The following TARP variants were observed in gnomAD, a reference collection of about 807,000 sequenced individuals.
the TARP span, chr7:38,262,028 TC>T: frequency 4.1e-6 from 3 of 725,506 alleles, no homozygotes; most frequent in Non-Finnish European, 7.2e-6. Flanking sequence ...TTAATACAAC[TC>T]CTAGAAAATG....
the TARP span, among the ~76,000 whole-genome samples, chr7:38,262,762 C>T: frequency 6.6e-6 from 1 of 151,614 alleles, no homozygotes; most frequent in East Asian, 1.9e-4. Context: ...TCATGAGATC[C>T]TCCCATCTCA....
the TARP span, among the ~76,000 whole-genome samples, chr7:38,269,776 T>C: frequency 6.6e-6 from 1 of 152,120 alleles, no homozygotes; most frequent in South Asian, 2.1e-4. Context: ...GAGACCAAAA[T>C]GAAACAAGAT....
At chr7:38,267,473 T>A in the TARP span, among the ~76,000 whole-genome samples, 3 of 151,626 alleles carry the variant, frequency 2.0e-5, no homozygotes, top group African/African-American at 4.9e-5. Context: ...AAAATAAGAA[T>A]TAAATTTCTC....
the TARP span, among the ~76,000 whole-genome samples, chr7:38,266,930 G>A: frequency 1.3e-5 from 2 of 151,440 alleles, no homozygotes; most frequent in East Asian, 1.9e-4. Context: ...CTGCAGTAAC[G>A]CACTTATCAA....
chr7:38,265,928 G>A, the TARP span, among the ~76,000 whole-genome samples: 1 of 151,520 alleles, frequency 6.6e-6, no homozygotes, highest in Non-Finnish European at 1.5e-5. Flanking sequence ...GATGCTGGAC[G>A]AAAACCTGGC....
chr7:38,265,856 G>C, the TARP span, among the ~76,000 whole-genome samples: 1 of 151,246 alleles, frequency 6.6e-6, no homozygotes, highest in South Asian at 2.1e-4. Flanking sequence ...TTATTTTACA[G>C]ATGTTGAAAA....
At chr7:38,262,332 G>A in the TARP span, 5 of 768,344 alleles carry the variant, frequency 6.5e-6, no homozygotes, top group African/African-American at 7.1e-5. Context: ...AAAAATATGA[G>A]CCCACAATTC....
the TARP span, among the ~76,000 whole-genome samples, chr7:38,262,999 A>G: frequency 1.3e-5 from 2 of 151,508 alleles, no homozygotes; most frequent in South Asian, 4.2e-4. Flanking sequence ...AGAATCTTAC[A>G]TATTTGAAGG....
At chr7:38,266,743 T>C in the TARP span, among the ~76,000 whole-genome samples, 3 of 151,888 alleles carry the variant, frequency 2.0e-5, no homozygotes, top group African/African-American at 7.3e-5. Flanking sequence ...TATCTAACTT[T>C]ATATAACATC....
chr7:38,260,301 A>T, the TARP span: 4 of 960,268 alleles, frequency 4.2e-6, no homozygotes, highest in East Asian at 9.4e-5. Flanking sequence ...ACAAATACTT[A>T]TTTCTGATGA....
At chr7:38,267,379 C>T in the TARP span, among the ~76,000 whole-genome samples, 1 of 151,970 alleles carries the variant, frequency 6.6e-6, no homozygotes. Flanking sequence ...ATAAATGTTA[C>T]AATTCTTTCT....
chr7:38,266,853 C>T, the TARP span, among the ~76,000 whole-genome samples: 2 of 151,806 alleles, frequency 1.3e-5, no homozygotes, highest in South Asian at 2.1e-4. Flanking sequence ...AACAAAATGG[C>T]AACTTTCCAA....
chr7:38,270,632 CCT>C, the TARP span, among the ~76,000 whole-genome samples: 2 of 151,648 alleles, frequency 1.3e-5, no homozygotes, highest in Admixed American at 1.3e-4. Flanking sequence ...CTGGCTTTAC[CCT>C]TCAAGGCAGA....
At chr7:38,262,368 T>C in the TARP span, 64 of 652,450 alleles carry the variant, frequency 9.8e-5, no homozygotes, top group African/African-American at 1.0e-3. Flanking sequence ...TAATTCTGTG[T>C]AATTAGGTAG....
At chr7:38,262,353 T>C in the TARP span, 1 of 700,450 alleles carries the variant, frequency 1.4e-6, no homozygotes, top group Non-Finnish European at 2.5e-6. Context: ...CAGAAACAAT[T>C]GGTCTAATTC....
the TARP span, among the ~76,000 whole-genome samples, chr7:38,264,807 T>C: frequency 6.6e-6 from 1 of 151,496 alleles, no homozygotes; most frequent in African/African-American, 2.4e-5. Context: ...GCAAAGGAAA[T>C]AGAAAATTGG....
At chr7:38,268,359 G>A in the TARP span, among the ~76,000 whole-genome samples, 1 of 151,410 alleles carries the variant, frequency 6.6e-6, no homozygotes, top group Non-Finnish European at 1.5e-5. Flanking sequence ...AGTTTTTAGA[G>A]ACGGTATGAT....
chr7:38,272,905 C>A, the TARP span, among the ~76,000 whole-genome samples: 5 of 151,114 alleles, frequency 3.3e-5, no homozygotes, highest in Non-Finnish European at 5.9e-5. Flanking sequence ...AAGATCTCAA[C>A]CACTAAGGAA....
chr7:38,269,075 C>T, the TARP span, among the ~76,000 whole-genome samples: 1 of 151,738 alleles, frequency 6.6e-6, no homozygotes, highest in African/African-American at 2.4e-5. Flanking sequence ...GTGGTGGAGC[C>T]AGAGTTCCAG....
Sources: gnomAD v4.1 joint callset for allele counts (sites outside exome capture counted in the v4.1 genomes callset) on GRCh38, gnomAD v4.1.1 for gene constraint, MANE v1.5 for transcripts.